The following JAKMIP3 variants were observed in gnomAD, a reference collection of about 807,000 sequenced individuals.
JAKMIP3 encodes Janus kinase and microtubule interacting protein 3, also known as janus kinase and microtubule-interacting protein 3.
In JAKMIP3, 58 loss-of-function variants were observed where a neutral mutation model predicts 118.5. The observed-to-expected ratio is 0.49, with a 90% CI of 0.40 to 0.61. The LOEUF (loss-of-function observed/expected upper bound fraction) is 0.61. Ranked by LOEUF, JAKMIP3 falls within the 20% of genes least tolerant of loss-of-function variation. JAKMIP3 has a pLI of 0.00. For synonymous variants in JAKMIP3, 486 were observed against 451.2 expected (o/e 1.08, Z -0.98); for missense variants, 950 against 1,109.0 (o/e 0.86, Z 2.04).
intron 1 of JAKMIP3, among the ~76,000 whole-genome samples, chr10:132,059,626 C>T (rs1259929683): frequency 6.6e-6 from 1 of 152,214 alleles, no homozygotes; most frequent in African/African-American, 2.4e-5. Context: ...CAGCAGTCTT[C>T]AGAGAGATGC....
chr10:132,125,350 G>T (rs1314136952), intron 3 of JAKMIP3, among the ~76,000 whole-genome samples: 6 of 152,250 alleles, frequency 3.9e-5, no homozygotes, highest in Non-Finnish European at 8.8e-5. Flanking sequence ...CCTGAACTGC[G>T]ATAGCACTTT....
In JAKMIP3 at chr10:132,102,592, G is replaced by A. The variant is rs1269826412; in HGVS notation, c.-137-2080G>A. Among the ~76,000 whole-genome samples the A allele has an allele frequency of 2.6e-5, 4 of 152,166 alleles. No homozygotes were observed. In the East Asian group the frequency reaches 5.8e-4, roughly 22 times the overall value. On this transcript the variant is annotated intron_variant, in intron 1 of 23. Transcript: ENST00000684848. ...TCTTCCCAGTTCACCTGTCAGCCCC[G>A]CAGGCTCCTCGTGGTTCCTGGGTGT... is the stretch of plus-strand genomic sequence containing the variant.
At chr10:132,061,292 G>GCA (rs148178836), upstream of JAKMIP3, among the ~76,000 whole-genome samples, 39 of 151,744 alleles carry the variant, frequency 2.6e-4, no homozygotes, top group East Asian at 3.9e-4. Context: ...TGCCGTGACG[G>GCA]CACACACACA....
At chr10:132,088,466 G>C (rs1357290934) in intron 1 of JAKMIP3, among the ~76,000 whole-genome samples, 8 of 152,200 alleles carry the variant, frequency 5.3e-5, no homozygotes, top group Non-Finnish European at 8.8e-5. Context: ...CAGTGATGAT[G>C]AGCATTTTTT....
intron 3 of JAKMIP3, among the ~76,000 whole-genome samples, chr10:132,121,415 T>G (rs1418466636): frequency 6.6e-6 from 1 of 152,214 alleles, no homozygotes; most frequent in Non-Finnish European, 1.5e-5. Context: ...GCAAACATTT[T>G]GCTGTTTCTG....
Position 132,104,737 on chromosome 10 carries a change from C to T in JAKMIP3, c.-72C>T. 1.3e-6 allele frequency: 2 copies of T among 1,493,096 alleles called. No individual in the cohort carries two copies. Among genetic ancestry groups the T allele is most frequent in the Non-Finnish European group, 1.8e-6 (2 of 1,102,566 alleles). The allele number at this position is 1,493,096 out of a possible 1,614,324, so 92.5% of individuals were successfully genotyped here. A position where few individuals can be genotyped will look rare whatever the true frequency, so the allele number is the denominator to read the frequency against. On this transcript the variant is annotated 5_prime_UTR_variant, in exon 2 of 24. Transcript: ENST00000684848. ...CCTGCTGGGAGCTTGGCGTGGACAC[C>T]CCAGCCACCCCCAGCCCAGCCCAGC...
chr10:132,176,635 G>C (rs2060163767), intron 23 of JAKMIP3, among the ~76,000 whole-genome samples: 1 of 152,066 alleles, frequency 6.6e-6, no homozygotes, highest in African/African-American at 2.4e-5. Context: ...ATTTCCAAAA[G>C]GCAGACTCTT....
chr10:132,079,972 T>G (rs556816627), intron 1 of JAKMIP3, among the ~76,000 whole-genome samples: 1 of 152,376 alleles, frequency 6.6e-6, no homozygotes, highest in South Asian at 2.1e-4. Context: ...ACTGCTGCTG[T>G]GAACACAGGT....
intron 16 of JAKMIP3, among the ~76,000 whole-genome samples, chr10:132,150,838 T>TTATCCGTCCTCCATAATCCATC (rs1359723786): frequency 4.0e-5 from 6 of 150,342 alleles, no homozygotes; most frequent in African/African-American, 1.5e-4. Context: ...CACAATTCAT[T>TTATCCGTCCTCCATAATCCATC]TATCCGTCCT....
chr10:132,137,162 G>T lies in JAKMIP3; in HGVS notation c.1248+12G>T, dbSNP rs967558386. 10 of 1,613,788 alleles carry T rather than the reference G, an allele frequency of 6.2e-6. No individual in the cohort carries two copies. Among genetic ancestry groups the T allele is most frequent in the Non-Finnish European group, 8.5e-6 (10 of 1,179,842 alleles). ...ATGAACTGTCTAAGGTACCCGGCGG[G>T]CTGTTTGCTGCGGCCCCGTCCTCTG... is the stretch of plus-strand genomic sequence containing the variant. On this transcript the variant is annotated intron_variant, in intron 7 of 23. Transcript: ENST00000684848.
At chr10:132,146,836 C>T (rs765606475) in intron 13 of JAKMIP3, among the ~76,000 whole-genome samples, 2 of 152,192 alleles carry the variant, frequency 1.3e-5, no homozygotes, top group South Asian at 2.1e-4. Flanking sequence ...ATTAGAAGTG[C>T]GTTTCCACAG....
At chr10:132,116,966 C>T (rs963539246) in intron 2 of JAKMIP3, 111 bp from the exon 3 acceptor site, 2 of 1,252,264 alleles carry the variant, frequency 1.6e-6, no homozygotes, top group African/African-American at 3.0e-5. Flanking sequence ...CTTGAATACA[C>T]ATTCAGGTGT....
intron 8 of JAKMIP3, among the ~76,000 whole-genome samples, chr10:132,137,742 A>G (rs1589910768): frequency 6.6e-6 from 1 of 152,310 alleles, no homozygotes; most frequent in African/African-American, 2.4e-5. Context: ...CAGTCCCCAC[A>G]CAGATGTGGA....
At chr10:132,161,410 AC>A (rs1328914896) in intron 19 of JAKMIP3, among the ~76,000 whole-genome samples, 2 of 20,282 alleles carry the variant, frequency 9.9e-5, no homozygotes, top group Non-Finnish European at 1.5e-4. Flanking sequence ...CCTGTGTCTT[AC>A]TGGGGGGGGC....
chr10:132,071,095 C>T (rs1339930706), intron 1 of JAKMIP3, among the ~76,000 whole-genome samples: 1 of 151,818 alleles, frequency 6.6e-6, no homozygotes, highest in East Asian at 1.9e-4. Flanking sequence ...CTTGTATTTT[C>T]ATTCAGTTCA....
intron 11 of JAKMIP3, among the ~76,000 whole-genome samples, chr10:132,143,142 C>CGGG (rs139480000): frequency 1.7e-4 from 25 of 146,918 alleles, no homozygotes; most frequent in African/African-American, 6.0e-4. Context: ...TGTCCTGAGT[C>CGGG]GGGGTGGGGG....
chr10:132,092,493 T>C (rs1352521521), intron 1 of JAKMIP3, among the ~76,000 whole-genome samples: 1 of 152,100 alleles, frequency 6.6e-6, no homozygotes, highest in Non-Finnish European at 1.5e-5. Context: ...TCTAAACTTC[T>C]CTTCTTGCTT....
At chr10:132,141,361 G>A (rs1475740561) in intron 10 of JAKMIP3, among the ~76,000 whole-genome samples, 1 of 152,184 alleles carries the variant, frequency 6.6e-6, no homozygotes, top group Non-Finnish European at 1.5e-5. Flanking sequence ...GGTCCACCGG[G>A]ACCCTTTGAA....
At chr10:132,111,621 T>C (rs550273512) in intron 2 of JAKMIP3, among the ~76,000 whole-genome samples, 6 of 152,090 alleles carry the variant, frequency 3.9e-5, no homozygotes, top group African/African-American at 1.4e-4. Flanking sequence ...CTGATCACTA[T>C]GCTGGAACAA....
Sources: gnomAD v4.1 joint callset for allele counts (sites outside exome capture counted in the v4.1 genomes callset) on GRCh38, gnomAD v4.1.1 for gene constraint, MANE v1.5 for transcripts, NCBI Gene and HGNC (gene_info 2026-07-23, HGNC 2026-07-21) for gene names.